The following PLPP3 variants were observed in gnomAD, a reference collection of about 807,000 sequenced individuals.
PLPP3 encodes the protein PAP2 beta.
Under a neutral mutation model 29.6 loss-of-function variants are expected in PLPP3, and 6 were observed. The observed-to-expected ratio is 0.20, with a 90% CI of 0.11 to 0.40. The LOEUF is 0.40. PLPP3 is among the 10% of genes least tolerant of loss of function. PLPP3 has a pLI of 1.00. For synonymous variants in PLPP3, 152 were observed against 159.7 expected (o/e 0.95, Z 0.36); for missense variants, 308 against 407.7 (o/e 0.76, Z 2.11).
intron 5 of PLPP3, among the ~76,000 whole-genome samples, chr1:56,497,564 T>C (rs1485693827): frequency 6.6e-6 from 1 of 152,198 alleles, no homozygotes; most frequent in African/African-American, 2.4e-5. Flanking sequence ...TCATGTAATT[T>C]AATAGGAAAC....
intron 4 of PLPP3, among the ~76,000 whole-genome samples, chr1:56,523,138 T>A (rs973966938): frequency 4.6e-5 from 7 of 152,216 alleles, no homozygotes; most frequent in Non-Finnish European, 1.0e-4. Context: ...GCATGGATTT[T>A]ATACTTCACA....
In PLPP3 at chr1:56,512,973, T is replaced by C. The variant is rs532674470; in HGVS notation, c.634-821A>G. The C allele has an allele frequency of 3.9e-5, 6 of 152,264 alleles. No homozygotes were observed. The South Asian group carries it at 1.2e-3, about 32-fold the overall frequency. 9.4% of individuals were successfully genotyped at this position (152,264 alleles called of 1,614,324 possible). A position where few individuals can be genotyped will look rare whatever the true frequency, so the allele number is the denominator to read the frequency against. ...GTCAGCACGGAAATTAAATATGCAA[T>C]GATAAGAGGAAGTTATTATATCCCC... On this transcript the variant is annotated intron_variant, in intron 4 of 5. Transcript: ENST00000371250.
chr1:56,571,731 T>C (rs1159742312), intron 1 of PLPP3, among the ~76,000 whole-genome samples: 1 of 152,056 alleles, frequency 6.6e-6, no homozygotes, highest in Non-Finnish European at 1.5e-5. Flanking sequence ...ATAAACAAAA[T>C]GGAAAGAAAT....
chr1:56,578,555 G>A (rs751547880), intron 1 of PLPP3, among the ~76,000 whole-genome samples: 1 of 152,188 alleles, frequency 6.6e-6, no homozygotes, highest in Non-Finnish European at 1.5e-5. Flanking sequence ...CTTCCCCTAC[G>A]CTAAAAGGAC....
At position 56,495,847 on chromosome 1, in the gene PLPP3, A is replaced by G. The variant is rs771689772; in HGVS notation, c.*704T>C. On this transcript the variant is annotated 3_prime_UTR_variant, in exon 6 of 6. Transcript: ENST00000371250. The stretch of plus-strand genomic sequence containing the variant: ...TCAACATCACAGGATGATGCGTCAA[A>G]AGAAGAAAAGTGAGGGCCTGTGCCC... 5 of 152,688 alleles carry G rather than the reference A, an allele frequency of 3.3e-5. No individual in the cohort carries two copies. The highest frequency in any genetic ancestry group is 7.3e-5 in the Non-Finnish European group (5 of 68,060). The allele number at this position is 152,688 out of a possible 1,614,324, so 9.5% of individuals were successfully genotyped here.
At chr1:56,545,233 G>C (rs559881189) in intron 1 of PLPP3, among the ~76,000 whole-genome samples, 2 of 152,308 alleles carry the variant, frequency 1.3e-5, no homozygotes, top group East Asian at 1.9e-4. Flanking sequence ...CATTCTTGCT[G>C]TATGACCTTA....
rs1646258384 is a variant in PLPP3 at position 56,579,018 on chromosome 1, G to A, written c.-2C>T. 1.3e-6 allele frequency: 2 copies of A among 1,589,768 alleles called. No individual in the cohort carries two copies. Among genetic ancestry groups the A allele is most frequent in the Non-Finnish European group, 8.5e-7 (1 of 1,170,682 alleles). The stretch of plus-strand genomic sequence containing the variant: ...TTTGTCGTACTTGTAGTTTTGCATG[G>A]CGCTGGCTGCGGCGCGAGCCTCCCG... On this transcript the variant is annotated 5_prime_UTR_variant, in exon 1 of 6. Transcript: ENST00000371250.
intron 5 of PLPP3, among the ~76,000 whole-genome samples, chr1:56,498,874 C>T (rs958600800): frequency 6.6e-6 from 1 of 152,100 alleles, no homozygotes; most frequent in South Asian, 2.1e-4. Context: ...CCTCATGATC[C>T]GCCTGCCTCA....
At chr1:56,559,120 AG>A in intron 1 of PLPP3, among the ~76,000 whole-genome samples, 1 of 152,232 alleles carries the variant, frequency 6.6e-6, no homozygotes, top group East Asian at 1.9e-4. Context: ...TGGAGTAGTG[AG>A]GGGGTAGGGT....
At chr1:56,526,529 G>A (rs1196429654) in intron 2 of PLPP3, among the ~76,000 whole-genome samples, 3 of 152,084 alleles carry the variant, frequency 2.0e-5, no homozygotes, top group Non-Finnish European at 4.4e-5. Context: ...AGTTCCAGAT[G>A]TTTATTACCA....
At chr1:56,548,587 C>T (rs987517757) in intron 1 of PLPP3, among the ~76,000 whole-genome samples, 5 of 152,152 alleles carry the variant, frequency 3.3e-5, no homozygotes, top group Non-Finnish European at 7.4e-5. Context: ...GAGAAAATTC[C>T]TCCTTTGAAG....
At chr1:56,502,390 C>A (rs1645673722) in intron 5 of PLPP3, among the ~76,000 whole-genome samples, 1 of 152,188 alleles carries the variant, frequency 6.6e-6, no homozygotes, top group Admixed American at 6.5e-5. Context: ...TCTGGTATTT[C>A]TTAAAGTGTT....
rs902761077 is a variant in PLPP3, at chr1:56,579,377, G to C, written c.-361C>G. On this transcript the variant is annotated 5_prime_UTR_variant, in exon 1 of 6. Coordinates refer to ENST00000371250, the MANE Select transcript of PLPP3 (RefSeq NM_003713.5). Reference sequence around the variant, plus strand: ...GAGCGAGTGGGCAGCGCGGGCGCTCGGCCACCTTCCTCCGCAGCTGGTTCC... The same window carrying C: ...GAGCGAGTGGGCAGCGCGGGCGCTCCGCCACCTTCCTCCGCAGCTGGTTCC... The C allele has an allele frequency of 4.2e-5, 11 of 263,526 alleles. No individual in the cohort carries two copies. The highest frequency in any genetic ancestry group is 2.1e-4 in the African/African-American group (9 of 42,674). 16.3% of individuals were successfully genotyped at this position (263,526 alleles called of 1,614,324 possible). A position where few individuals can be genotyped will look rare whatever the true frequency, so the allele number is the denominator to read the frequency against.
At chr1:56,505,495 T>C (rs912763006) in intron 5 of PLPP3, among the ~76,000 whole-genome samples, 2 of 152,202 alleles carry the variant, frequency 1.3e-5, no homozygotes, top group African/African-American at 4.8e-5. Flanking sequence ...ACACAAATTT[T>C]CTTCTGCTTC....
At chr1:56,538,951 C>A (rs1645948698) in intron 1 of PLPP3, 1 of 52,254 alleles carries the variant, frequency 1.9e-5, no homozygotes, top group Admixed American at 1.9e-4. Context: ...TACAAGACTT[C>A]TGGGCTGCAA....
chr1:56,564,957 T>C (rs1335831862), intron 1 of PLPP3, among the ~76,000 whole-genome samples: 1 of 151,684 alleles, frequency 6.6e-6, no homozygotes. Context: ...CATATGTGTG[T>C]GCACTTGCTT....
At chr1:56,527,578 G>T (rs1451869924) in intron 2 of PLPP3, among the ~76,000 whole-genome samples, 1 of 152,114 alleles carries the variant, frequency 6.6e-6, no homozygotes, top group Non-Finnish European at 1.5e-5. Flanking sequence ...AGAGGGCCAG[G>T]CTGAAGCCAT....
intron 4 of PLPP3, among the ~76,000 whole-genome samples, chr1:56,520,390 A>G (rs1461423896): frequency 1.3e-5 from 2 of 152,116 alleles, no homozygotes; most frequent in African/African-American, 4.8e-5. Flanking sequence ...CACAGGCTGC[A>G]TGAACAAAAA....
intron 1 of PLPP3, among the ~76,000 whole-genome samples, chr1:56,542,169 G>T (rs1001419692): frequency 6.6e-6 from 1 of 152,168 alleles, no homozygotes; most frequent in Non-Finnish European, 1.5e-5. Flanking sequence ...AGGCCCCTGT[G>T]TTGGGTTCAG....
Sources: allele counts gnomAD v4.1 joint callset (sites outside exome capture counted in the v4.1 genomes callset), GRCh38; gene constraint gnomAD v4.1.1; transcripts MANE v1.5; gene names NCBI Gene and HGNC (gene_info 2026-07-23, HGNC 2026-07-21).